CRACD: variants seen among roughly 807,000 people sequenced by gnomAD.
CRACD encodes capping protein-inhibiting regulator of actin dynamics.
In CRACD, 56 loss-of-function variants were observed where a neutral mutation model predicts 106.8. That is an observed-to-expected ratio of 0.52 (90% CI 0.42 to 0.66). The LOEUF is 0.66. CRACD is among the 30% of genes least tolerant of loss of function. CRACD has a pLI of 0.00. For synonymous variants in CRACD, 754 were observed against 670.8 expected (o/e 1.12, Z -1.92); for missense variants, 1,730 against 1,623.2 (o/e 1.07, Z -1.13).
intron 1 of CRACD, among the ~76,000 whole-genome samples, chr4:56,176,218 C>T (rs1236024496): frequency 1.3e-5 from 2 of 152,108 alleles, no homozygotes; most frequent in East Asian, 3.8e-4. Flanking sequence ...AGTGTGATGA[C>T]TCCAGCTTTG....
At chr4:56,170,966 CTA>C (rs1736337922) in intron 1 of CRACD, among the ~76,000 whole-genome samples, 1 of 152,034 alleles carries the variant, frequency 6.6e-6, no homozygotes, top group Admixed American at 6.5e-5. Flanking sequence ...GGCAGACAAA[CTA>C]AATAATAGGA....
chr4:56,206,541 A>C (rs1007637505), intron 2 of CRACD, among the ~76,000 whole-genome samples: 1 of 152,194 alleles, frequency 6.6e-6, no homozygotes, highest in African/African-American at 2.4e-5. Flanking sequence ...TATCTTTGAC[A>C]ATATGTTCTG....
intron 4 of CRACD, chr4:56,301,182 A>G (rs776067311): frequency 9.6e-6 from 12 of 1,255,610 alleles, no homozygotes; most frequent in Non-Finnish European, 1.1e-5. Context: ...GTGACTTGAG[A>G]TATAACTGAA....
At chr4:56,162,356 C>T (rs927509612) in intron 1 of CRACD, among the ~76,000 whole-genome samples, 4 of 151,960 alleles carry the variant, frequency 2.6e-5, no homozygotes, top group African/African-American at 9.7e-5. Context: ...CACCATGCCC[C>T]TGCTAATTCT....
At chr4:56,307,398 C>T in intron 4 of CRACD, 137 bp from the exon 5 acceptor site, 1 of 667,602 alleles carries the variant, frequency 1.5e-6, no homozygotes, top group Non-Finnish European at 2.5e-6. Flanking sequence ...TCATGGTTTC[C>T]TGGCATGGTG....
chr4:56,256,311 G>A (rs868811446), intron 2 of CRACD, among the ~76,000 whole-genome samples: 1 of 152,048 alleles, frequency 6.6e-6, no homozygotes, highest in African/African-American at 2.4e-5. Flanking sequence ...TTCTCTTGTC[G>A]GCCACCATGT....
chr4:56,087,128 T>C (rs776782993), intron 1 of CRACD, among the ~76,000 whole-genome samples: 3 of 152,122 alleles, frequency 2.0e-5, no homozygotes, highest in Non-Finnish European at 2.9e-5. Flanking sequence ...TCTCCCTGCC[T>C]CAGCCTCTGG....
intron 1 of CRACD, among the ~76,000 whole-genome samples, chr4:56,057,980 A>G (rs747397093): frequency 5.0e-4 from 33 of 65,922 alleles, no homozygotes; most frequent in African/African-American, 6.4e-4. Context: ...TACCACGCCC[A>G]GCTAATTTTT....
intron 3 of CRACD, among the ~76,000 whole-genome samples, chr4:56,277,643 T>C (rs1278613730): frequency 1.3e-5 from 2 of 152,182 alleles, no homozygotes. Context: ...TACAGTACTA[T>C]ACTGTTGGCT....
At chr4:56,171,824 C>CT (rs1736377676) in intron 1 of CRACD, among the ~76,000 whole-genome samples, 1 of 152,014 alleles carries the variant, frequency 6.6e-6, no homozygotes. Flanking sequence ...GGTAAGGCAC[C>CT]TGTGAATATG....
chr4:56,067,309 A>G (rs1732494897), intron 1 of CRACD, among the ~76,000 whole-genome samples: 1 of 152,222 alleles, frequency 6.6e-6, no homozygotes, highest in Non-Finnish European at 1.5e-5. Flanking sequence ...ATTACAGATA[A>G]GGAGCTCTTG....
At chr4:56,068,297 A>G (rs547310702) in intron 1 of CRACD, among the ~76,000 whole-genome samples, 9 of 152,342 alleles carry the variant, frequency 5.9e-5, no homozygotes, top group African/African-American at 2.2e-4. Context: ...GCCAAGGCCA[A>G]GCCTGCCTGC....
chr4:56,225,845 A>T (rs570425338), intron 2 of CRACD, among the ~76,000 whole-genome samples: 2 of 152,316 alleles, frequency 1.3e-5, no homozygotes, highest in South Asian at 4.1e-4. Context: ...AATTTTTGAG[A>T]TATTACTGTA....
At chr4:56,275,017 A>G (rs1193244154) in intron 3 of CRACD, among the ~76,000 whole-genome samples, 1 of 152,234 alleles carries the variant, frequency 6.6e-6, no homozygotes, top group Non-Finnish European at 1.5e-5. Flanking sequence ...ATTCTTAGCA[A>G]ACTAATGCAG....
chr4:56,130,714 G>GT (rs1016625188), intron 1 of CRACD, among the ~76,000 whole-genome samples: 129 of 151,906 alleles, frequency 8.5e-4, no homozygotes, highest in African/African-American at 2.9e-3. Flanking sequence ...TGTCATAGTT[G>GT]TTTTTTTTCC....
intron 1 of CRACD, among the ~76,000 whole-genome samples, chr4:56,079,168 C>T (rs1467608326): frequency 6.6e-6 from 1 of 152,152 alleles, no homozygotes; most frequent in African/African-American, 2.4e-5. Flanking sequence ...CATGCTGTCC[C>T]AGACACCAGG....
At chr4:56,167,414 A>G (rs1272195245) in intron 1 of CRACD, among the ~76,000 whole-genome samples, 2 of 152,214 alleles carry the variant, frequency 1.3e-5, no homozygotes, top group Non-Finnish European at 2.9e-5. Context: ...TATGTATACA[A>G]TGTGGCATGA....
chr4:56,323,240 A>C (rs1405100126), intron 8 of CRACD, 137 bp from the exon 9 acceptor site: 2 of 670,792 alleles, frequency 3.0e-6, no homozygotes, highest in African/African-American at 3.8e-5. Flanking sequence ...AGGCATCAGC[A>C]CAGAGGTTGT....
At chr4:56,184,929 G>A (rs1737017270) in intron 2 of CRACD, among the ~76,000 whole-genome samples, 1 of 152,080 alleles carries the variant, frequency 6.6e-6, no homozygotes, top group Admixed American at 6.6e-5. Context: ...ATTTTAAAGT[G>A]AACAATTCAG....
Sources: allele counts gnomAD v4.1 joint callset (sites outside exome capture counted in the v4.1 genomes callset), GRCh38; gene constraint gnomAD v4.1.1; transcripts MANE v1.5; gene names NCBI Gene and HGNC (gene_info 2026-07-23, HGNC 2026-07-21).